Variants in CAMK1D observed in about 807,000 individuals in gnomAD.
The protein encoded by CAMK1D is calcium/calmodulin-dependent protein kinase type 1D.
A neutral mutation model predicts 47.7 loss-of-function variants in CAMK1D; 9 were observed. The observed-to-expected ratio is 0.19, with a 90% CI of 0.11 to 0.33. CAMK1D has a LOEUF of 0.33. CAMK1D is among the 10% of genes least tolerant of loss of function. The pLI, the probability that CAMK1D is intolerant of heterozygous loss-of-function variation, is 1.00. For synonymous variants in CAMK1D, 184 were observed against 184.9 expected (o/e 0.99, Z 0.04); for missense variants, 291 against 488.7 (o/e 0.60, Z 3.81).
intron 2 of CAMK1D, among the ~76,000 whole-genome samples, chr10:12,555,996 C>G (rs1333332073): frequency 6.6e-6 from 1 of 152,144 alleles, no homozygotes; most frequent in East Asian, 1.9e-4. Context: ...CAAGGAGGGC[C>G]AGAGGGCTGG....
At chr10:12,672,513 C>A (rs1840656919) in intron 3 of CAMK1D, among the ~76,000 whole-genome samples, 1 of 151,736 alleles carries the variant, frequency 6.6e-6, no homozygotes, top group African/African-American at 2.4e-5. Flanking sequence ...GGATTACAGG[C>A]ATGCACCACC....
chr10:12,378,004 A>G (rs1228264417), intron 1 of CAMK1D, among the ~76,000 whole-genome samples: 5 of 152,220 alleles, frequency 3.3e-5, no homozygotes, highest in South Asian at 2.1e-4. Context: ...GATTTTGCAC[A>G]TGGTTAATTC....
intron 1 of CAMK1D, among the ~76,000 whole-genome samples, chr10:12,396,126 G>A (rs548440300): frequency 3.3e-5 from 5 of 152,064 alleles, no homozygotes; most frequent in South Asian, 2.1e-4. Context: ...CACCCACCTC[G>A]GCCTCCCAAA....
At chr10:12,423,071 A>G (rs1840111577) in intron 1 of CAMK1D, among the ~76,000 whole-genome samples, 1 of 152,166 alleles carries the variant, frequency 6.6e-6, no homozygotes, top group African/African-American at 2.4e-5. Context: ...GTATCTAGAA[A>G]GCACGCGATG....
chr10:12,367,578 T>C (rs1346558808), intron 1 of CAMK1D, among the ~76,000 whole-genome samples: 1 of 152,076 alleles, frequency 6.6e-6, no homozygotes, highest in African/African-American at 2.4e-5. Flanking sequence ...CCTGTGCTTG[T>C]TTTCCTGCAA....
chr10:12,530,110 C>G (rs17492871), intron 1 of CAMK1D, among the ~76,000 whole-genome samples: 36,847 of 152,158 alleles, frequency 0.24, 4,930 homozygotes, highest in South Asian at 0.37. Flanking sequence ...TATCCCTGTT[C>G]TGTGTAAGGG....
At chr10:12,456,174 A>G (rs1272985946) in intron 1 of CAMK1D, among the ~76,000 whole-genome samples, 1 of 152,218 alleles carries the variant, frequency 6.6e-6, no homozygotes, top group Non-Finnish European at 1.5e-5. Flanking sequence ...AGGTTTGGGG[A>G]TCCCCTGAAT....
chr10:12,788,515 G>A (rs1464086860), intron 5 of CAMK1D, among the ~76,000 whole-genome samples: 1 of 152,222 alleles, frequency 6.6e-6, no homozygotes, highest in South Asian at 2.1e-4. Flanking sequence ...CTGGTCAGCC[G>A]TTGCTCTAGG....
intron 5 of CAMK1D, among the ~76,000 whole-genome samples, chr10:12,788,744 C>T (rs997290553): frequency 5.3e-5 from 8 of 152,338 alleles, no homozygotes; most frequent in African/African-American, 7.2e-5. Context: ...TTGAGAAATA[C>T]GCTCTTAGCA....
At chr10:12,691,105 G>A (rs1173361381) in intron 3 of CAMK1D, among the ~76,000 whole-genome samples, 3 of 151,876 alleles carry the variant, frequency 2.0e-5, no homozygotes, top group Admixed American at 6.6e-5. Flanking sequence ...TCCCTGAAAC[G>A]GCAAAGAGGG....
At chr10:12,449,947 G>A (rs930780456) in intron 1 of CAMK1D, among the ~76,000 whole-genome samples, 10 of 151,994 alleles carry the variant, frequency 6.6e-5, no homozygotes, top group African/African-American at 2.2e-4. Flanking sequence ...GCAGTGAGCC[G>A]AGATTACACC....
At chr10:12,476,103 C>A (rs1833895165) in intron 1 of CAMK1D, among the ~76,000 whole-genome samples, 1 of 151,918 alleles carries the variant, frequency 6.6e-6, no homozygotes, top group Non-Finnish European at 1.5e-5. Context: ...ACCAGCCTGA[C>A]CAACATGGTG....
intron 1 of CAMK1D, among the ~76,000 whole-genome samples, chr10:12,539,223 T>C (rs557844603): frequency 2.4e-4 from 37 of 152,354 alleles, no homozygotes; most frequent in South Asian, 1.0e-3. Context: ...GTCCCTTTAA[T>C]GTAGTAATTG....
intron 2 of CAMK1D, among the ~76,000 whole-genome samples, chr10:12,641,212 A>C (rs1219993572): frequency 6.6e-6 from 1 of 152,144 alleles, no homozygotes; most frequent in African/African-American, 2.4e-5. Context: ...CAGGTGATCC[A>C]CCTGCCTTGG....
intron 2 of CAMK1D, among the ~76,000 whole-genome samples, chr10:12,624,182 A>G (rs752578494): frequency 2.0e-5 from 3 of 152,166 alleles, no homozygotes; most frequent in Non-Finnish European, 4.4e-5. Flanking sequence ...GATCTGTATC[A>G]TGAGTATATC....
At chr10:12,694,195 T>A (rs1377379024) in intron 3 of CAMK1D, among the ~76,000 whole-genome samples, 72 of 4,244 alleles carry the variant, frequency 0.017, 9 homozygotes, top group South Asian at 0.033. Context: ...ATATAATATA[T>A]ATTATATATT....
intron 1 of CAMK1D, among the ~76,000 whole-genome samples, chr10:12,398,624 C>T (rs570123996): frequency 1.1e-3 from 172 of 152,260 alleles, no homozygotes; most frequent in African/African-American, 4.0e-3. Context: ...GCTAGGATTA[C>T]GGGCATGAGC....
At chr10:12,396,577 T>G (rs75271051) in intron 1 of CAMK1D, among the ~76,000 whole-genome samples, 264 of 152,342 alleles carry the variant, frequency 1.7e-3, no homozygotes, top group African/African-American at 5.8e-3. Flanking sequence ...AGAAGGTATT[T>G]GATCTCTTTT....
intron 3 of CAMK1D, among the ~76,000 whole-genome samples, chr10:12,723,143 G>A (rs558419071): frequency 6.6e-6 from 1 of 152,318 alleles, no homozygotes; most frequent in East Asian, 1.9e-4. Flanking sequence ...AGGCCCACAC[G>A]TCTTAAAGCA....
Sources: gnomAD v4.1 joint callset for allele counts (sites outside exome capture counted in the v4.1 genomes callset) on GRCh38, gnomAD v4.1.1 for gene constraint, MANE v1.5 for transcripts, NCBI Gene and HGNC (gene_info 2026-07-23, HGNC 2026-07-21) for gene names.